The following LYST variants were observed in gnomAD, a reference collection of about 807,000 sequenced individuals.
LYST encodes the protein lysosomal-trafficking regulator.
In LYST, 192 loss-of-function variants were observed where a neutral mutation model predicts 413.6. That is an observed-to-expected ratio of 0.46 (90% CI 0.41 to 0.52). The LOEUF is 0.52. LYST is among the 20% of genes least tolerant of loss of function. The pLI, the probability that LYST is intolerant of heterozygous loss-of-function variation, is 0.00. For missense variants in LYST, 3,815 were observed against 4,499.9 expected (o/e 0.85, Z 4.35); for synonymous variants, 1,525 against 1,567.3 (o/e 0.97, Z 0.64).
At chr1:235,843,017 T>C (rs1431975924) in intron 1 of LYST, among the ~76,000 whole-genome samples, 1 of 152,192 alleles carries the variant, frequency 6.6e-6, no homozygotes, top group Non-Finnish European at 1.5e-5. Flanking sequence ...CCTCATATAA[T>C]GGCATTTTTA....
At chr1:235,743,869 C>G (rs1452521996) in intron 30 of LYST, 110 bp downstream of exon 30, 17 of 672,330 alleles carry the variant, frequency 2.5e-5, no homozygotes, top group Non-Finnish European at 4.5e-5. Flanking sequence ...TTAAAAAGCT[C>G]TCTGAAAGAG....
At chr1:235,860,359 CA>C (rs1272730481) in intron 1 of LYST, among the ~76,000 whole-genome samples, 1 of 152,114 alleles carries the variant, frequency 6.6e-6, no homozygotes, top group Admixed American at 6.5e-5. Context: ...CATTATCACC[CA>C]AAGTCCACAG....
chr1:235,740,545 C>T (rs187711343), intron 31 of LYST, among the ~76,000 whole-genome samples: 109 of 152,238 alleles, frequency 7.2e-4, no homozygotes, highest in African/African-American at 2.3e-3. Context: ...CTGTCCCTTT[C>T]CCCACTCAAT....
In LYST at chr1:235,809,634, C is replaced by G; in HGVS notation, c.1184G>C (p.Arg395Pro). Residue 395 changes from arginine (R) to proline (P), a missense_variant, in exon 5 of 53, where the codon CGT becomes CCT. Arg to Pro is a moderately radical substitution (Grantham distance 103). This residue lies in a region of LYST where 1,648 missense variants were observed against 1,810.3 expected (regional missense o/e 0.91). Transcript: ENST00000389793. This position sits in a 1 kb window ranked among gnomAD's most constrained non-coding sequence, Gnocchi z 4.0. ...VQEDFVFSKY[R>P]HRALLLPELL... ...CTCAGGTAAAAGAAGGGCTCTATGACGATACTTTGAAAACACAAAATCTTC... is the reference window on the plus strand; with the variant it reads ...CTCAGGTAAAAGAAGGGCTCTATGAGGATACTTTGAAAACACAAAATCTTC... 1 of 1,614,042 alleles carries G rather than the reference C, an allele frequency of 6.2e-7. No individual in the cohort carries two copies.
chr1:235,682,641 G>A (rs142431334), intron 48 of LYST, among the ~76,000 whole-genome samples: 7 of 152,142 alleles, frequency 4.6e-5, no homozygotes, highest in East Asian at 1.9e-4. Context: ...AAATGTAGTC[G>A]GATGAAAGAA....
At chr1:235,730,792 AC>A (rs1664315235) in intron 36 of LYST, 54 bp downstream of exon 36, 1 of 1,069,418 alleles carries the variant, frequency 9.4e-7, no homozygotes, top group Non-Finnish European at 1.5e-6. Flanking sequence ...CATAAACACT[AC>A]AATAAGCTGT....
chr1:235,847,071 G>T (rs917486978), intron 1 of LYST, among the ~76,000 whole-genome samples: 1 of 152,178 alleles, frequency 6.6e-6, no homozygotes, highest in Non-Finnish European at 1.5e-5. Context: ...TAGGCACATT[G>T]TCATGAGGTT....
At chr1:235,817,172 A>C (rs1338238112) in intron 3 of LYST, among the ~76,000 whole-genome samples, 2 of 152,148 alleles carry the variant, frequency 1.3e-5, no homozygotes, top group African/African-American at 2.4e-5. Context: ...ACAATGAGAT[A>C]CCATCTCACA....
At chr1:235,862,848 C>CAA (rs36022107) in intron 1 of LYST, among the ~76,000 whole-genome samples, 1 of 146,510 alleles carries the variant, frequency 6.8e-6, no homozygotes, top group African/African-American at 2.6e-5. Context: ...CACACACACA[C>CAA]CCCTTCAAGA....
chr1:235,852,650 A>C (rs974436826), intron 1 of LYST, among the ~76,000 whole-genome samples: 2 of 152,166 alleles, frequency 1.3e-5, no homozygotes, highest in African/African-American at 2.4e-5. Context: ...TTTTTCAACT[A>C]ATACTGAGGT....
At chr1:235,791,590 G>A in intron 12 of LYST, 109 bp downstream of exon 12, 2 of 905,914 alleles carry the variant, frequency 2.2e-6, no homozygotes, top group South Asian at 1.3e-5. Context: ...CATTTAAGGT[G>A]AAGAACATGT....
At chr1:235,702,674 C>T in intron 45 of LYST, 73 bp downstream of exon 45, 4 of 1,252,270 alleles carry the variant, frequency 3.2e-6, no homozygotes, top group South Asian at 2.4e-5. Flanking sequence ...CTATTCATCA[C>T]CTGGGAGAGT....
rs1283220064 is a variant in LYST, at chr1:235,782,541, C to A, written c.4863-454G>T. 3.9e-5 allele frequency among the ~76,000 whole-genome samples: 6 copies of A among 152,222 alleles called. No individual in the cohort carries two copies. The East Asian group carries it at 1.2e-3, about 29-fold the overall frequency. On this transcript the variant is annotated intron_variant, in intron 14 of 52. Transcript: ENST00000389793. Reference sequence around the variant, plus strand: ...CTGGCACTGGGGCAAGAGAGGAGGGCTAATTGTTTGTCTCTTGGTCAAAGG... The same window carrying A: ...CTGGCACTGGGGCAAGAGAGGAGGGATAATTGTTTGTCTCTTGGTCAAAGG...
intron 34 of LYST, among the ~76,000 whole-genome samples, chr1:235,731,686 G>A (rs1664395575): frequency 1.3e-5 from 2 of 151,116 alleles, no homozygotes; most frequent in African/African-American, 2.4e-5. Flanking sequence ...AGCCTCCCAA[G>A]TAGCTGGGAT....
chr1:235,783,551 T>C (rs139697440), intron 14 of LYST, among the ~76,000 whole-genome samples: 3 of 152,086 alleles, frequency 2.0e-5, no homozygotes, highest in Non-Finnish European at 4.4e-5. Context: ...AAAACCTAGA[T>C]GACGGGTTGA....
chr1:235,816,849 C>A (rs1460760465), intron 3 of LYST, among the ~76,000 whole-genome samples: 1 of 152,134 alleles, frequency 6.6e-6, no homozygotes, highest in Non-Finnish European at 1.5e-5. Context: ...ATGCCAAAAG[C>A]AATCACAATG....
At chr1:235,669,985 G>C (rs1176273799) in intron 50 of LYST, among the ~76,000 whole-genome samples, 1 of 151,986 alleles carries the variant, frequency 6.6e-6, no homozygotes, top group Non-Finnish European at 1.5e-5. Flanking sequence ...AGCACTTCTG[G>C]GTTGGTGAAC....
At position 235,816,449 on chromosome 1, in the gene LYST, T is replaced by A. The variant is rs867783493; in HGVS notation, c.193-3388A>T. Among the ~76,000 whole-genome samples, 818 of 115,902 alleles carry A rather than the reference T, an allele frequency of 7.1e-3. 3 individuals are homozygous for A. Among genetic ancestry groups the A allele is most frequent in the African/African-American group, 0.019 (448 of 23,244 alleles). 76.0% of individuals were successfully genotyped at this position (115,902 alleles called of 152,430 possible). The stretch of plus-strand genomic sequence containing the variant: ...AGAAAGACTCCGTCAAAAAAAAAAA[T>A]AAATAAATAAAAAATAAAAATAAAA... On this transcript the variant is annotated intron_variant, in intron 3 of 52. Transcript: ENST00000389793.
At chr1:235,732,869 C>T (rs1245722867) in intron 34 of LYST, among the ~76,000 whole-genome samples, 1 of 152,052 alleles carries the variant, frequency 6.6e-6, no homozygotes, top group Non-Finnish European at 1.5e-5. Flanking sequence ...AAATATATTT[C>T]CAGGCTTTTT....
Sources: gnomAD v4.1 joint callset for allele counts (sites outside exome capture counted in the v4.1 genomes callset) on GRCh38, gnomAD v4.1.1 for gene constraint, gnomAD v4.1.1 regional missense constraint, Gnocchi (gnomAD v3.1) non-coding constraint, MANE v1.5 for transcripts, NCBI Gene and HGNC (gene_info 2026-07-23, HGNC 2026-07-21) for gene names.